Variants in SYNPR observed in about 807,000 individuals in gnomAD.
The protein encoded by SYNPR is synaptoporin.
SYNPR carries 23 observed loss-of-function variants against 32.9 expected under a neutral mutation model. The ratio of observed to expected loss-of-function variants is 0.70; its 90% CI spans 0.50 to 0.99. The LOEUF is 0.99. SYNPR is among the 50% of genes least tolerant of loss of function. The probability of loss-of-function intolerance (pLI) is 0.00; values close to 1 mark genes in which losing one functional copy is unlikely to be tolerated. For missense variants in SYNPR, 318 were observed against 349.3 expected, an observed-to-expected ratio of 0.91 and a Z score of 0.71; for synonymous variants, 146 against 135.9, an observed-to-expected ratio of 1.07 and a Z score of -0.52.
Position 63,537,987 on chromosome 3 carries a change from T to C in SYNPR, c.210-18556T>C, listed in dbSNP as rs547659982. On this transcript the variant is annotated intron_variant, in intron 3 of 5. Transcript: ENST00000478300. ...AGTTAAGAGTTGAATCATGAATCTA[T>C]TGCCATAGGACATACAGCCTCTGGT... Among the ~76,000 whole-genome samples the C allele has an allele frequency of 3.3e-5, 5 of 152,246 alleles. No individual in the cohort carries two copies. The South Asian group carries it at 1.0e-3, about 32-fold the overall frequency.
intron 3 of SYNPR, among the ~76,000 whole-genome samples, chr3:63,512,084 T>C (rs1701708603): frequency 6.6e-6 from 1 of 152,114 alleles, no homozygotes; most frequent in Non-Finnish European, 1.5e-5. Context: ...GAATTGTAAA[T>C]GAGATAAACA....
rs185132532 is a variant in SYNPR at position 63,558,356 on chromosome 3, T to C, written c.408+1615T>C. The stretch of plus-strand genomic sequence containing the variant: ...AATTTTTACTTTTTGTTTTATTTTA[T>C]TGAGGCAGAGTCTCATGCCACCACC... On this transcript the variant is annotated intron_variant, in intron 4 of 5. Coordinates refer to ENST00000478300, the MANE Select transcript of SYNPR (RefSeq NM_001130003.2). Among the ~76,000 whole-genome samples, 228 of 152,342 alleles carry C rather than the reference T, an allele frequency of 1.5e-3. 1 individual carries two copies. Among genetic ancestry groups the C allele is most frequent in the African/African-American group, 4.9e-3 (204 of 41,576 alleles).
At chr3:63,439,177 A>T (rs1389544618) in intron 2 of SYNPR, among the ~76,000 whole-genome samples, 1 of 152,232 alleles carries the variant, frequency 6.6e-6, no homozygotes, top group Non-Finnish European at 1.5e-5. Flanking sequence ...CCATTGCTCA[A>T]CTGAAAGATC....
At chr3:63,519,478 C>T (rs80125141) in intron 3 of SYNPR, among the ~76,000 whole-genome samples, 2,683 of 152,266 alleles carry the variant, frequency 0.018, 55 homozygotes, top group African/African-American at 0.053. Context: ...GTGAGCAGAG[C>T]AGAGCTTGCC....
chr3:63,585,854 T>C (rs995443313), intron 4 of SYNPR, among the ~76,000 whole-genome samples: 1 of 152,102 alleles, frequency 6.6e-6, no homozygotes, highest in Admixed American at 6.6e-5. Context: ...TCAAATATAT[T>C]GCCAAAGGCT....
intron 2 of SYNPR, among the ~76,000 whole-genome samples, chr3:63,363,998 C>T (rs777834632): frequency 2.0e-5 from 3 of 152,162 alleles, no homozygotes; most frequent in Non-Finnish European, 2.9e-5. Flanking sequence ...CTACCCCTGA[C>T]GATGCAGATC....
rs77205451 is a variant in SYNPR at position 63,585,190 on chromosome 3, A to G, written c.409-23935A>G. On this transcript the variant is annotated intron_variant, in intron 4 of 5. Transcript: ENST00000478300. ...CTAACAGTTATATATTGGAAATATG[A>G]TAGAACTGGCAAAAATAAGTCAAAT... is the stretch of plus-strand genomic sequence containing the variant. Among the ~76,000 whole-genome samples, 331 of 152,282 alleles carry G rather than the reference A, an allele frequency of 2.2e-3. 11 individuals carry two copies. In the East Asian group the frequency reaches 0.059, roughly 27 times the overall value.
intron 2 of SYNPR, among the ~76,000 whole-genome samples, chr3:63,258,300 A>G (rs1445677444): frequency 6.6e-6 from 1 of 152,206 alleles, no homozygotes; most frequent in Non-Finnish European, 1.5e-5. Context: ...ACCTATTCCA[A>G]AACTGACCAC....
chr3:63,400,451 G>A (rs1029700375), intron 2 of SYNPR, among the ~76,000 whole-genome samples: 12 of 152,224 alleles, frequency 7.9e-5, no homozygotes, highest in African/African-American at 2.2e-4. Context: ...CCAATGGCAC[G>A]TCAGAGCTGC....
chr3:63,221,908 C>T, the SYNPR span, among the ~76,000 whole-genome samples: 1 of 151,138 alleles, frequency 6.6e-6, no homozygotes, highest in Admixed American at 6.6e-5. Flanking sequence ...GAACCAAATA[C>T]GTTGTTGATG....
chr3:63,440,399 A>T (rs947492765), intron 2 of SYNPR, among the ~76,000 whole-genome samples: 10 of 152,204 alleles, frequency 6.6e-5, no homozygotes, highest in African/African-American at 2.4e-4. Context: ...CTTACTGGAC[A>T]ACTATTGAAC....
chr3:63,410,287 G>A (rs1415818876), intron 2 of SYNPR, among the ~76,000 whole-genome samples: 1 of 152,126 alleles, frequency 6.6e-6, no homozygotes, highest in Non-Finnish European at 1.5e-5. Context: ...TTAATTAAAT[G>A]ATGGAGTTGA....
chr3:63,205,040 A>G, the SYNPR span, among the ~76,000 whole-genome samples: 2 of 152,182 alleles, frequency 1.3e-5, no homozygotes, highest in Admixed American at 6.5e-5. Flanking sequence ...CTGTTTCACC[A>G]TCCTTTTCTG....
intron 3 of SYNPR, among the ~76,000 whole-genome samples, chr3:63,543,498 G>A (rs7628331): frequency 0.037 from 5,617 of 152,108 alleles, 336 homozygotes; most frequent in African/African-American, 0.13. Context: ...CTTAATCTGT[G>A]GGTGAAAGGA....
At chr3:63,440,960 A>G (rs1382422693) in intron 2 of SYNPR, among the ~76,000 whole-genome samples, 1 of 152,192 alleles carries the variant, frequency 6.6e-6, no homozygotes, top group Non-Finnish European at 1.5e-5. Flanking sequence ...AAGTTACTGC[A>G]GGGTCCATGC....
At chr3:63,461,975 T>C (rs968638040) in intron 2 of SYNPR, among the ~76,000 whole-genome samples, 1 of 152,070 alleles carries the variant, frequency 6.6e-6, no homozygotes, top group Non-Finnish European at 1.5e-5. Flanking sequence ...GAGTGACTTA[T>C]AAAGAAATAA....
At chr3:63,333,628 G>C (rs908676193) in intron 2 of SYNPR, among the ~76,000 whole-genome samples, 2 of 152,000 alleles carry the variant, frequency 1.3e-5, no homozygotes, top group African/African-American at 4.8e-5. Context: ...ATGTTGCCCA[G>C]GCTGGTCTCA....
rs1209558487 is a variant in SYNPR at position 63,615,219 on chromosome 3, T to A, written c.601-5T>A. On this transcript the variant is annotated splice_region_variant and splice_polypyrimidine_tract_variant and intron_variant, in intron 5 of 5. Transcript: ENST00000478300. ...ATCAATTCATTGGCTTTGATTCTCC[T>A]TCAGGTCTTTGGATTCTTGAACTTT... 6.2e-7 allele frequency: 1 copy of A among 1,612,970 alleles called. No homozygotes were observed. The highest frequency in any genetic ancestry group is 2.2e-5 in the East Asian group (1 of 44,884).
chr3:63,324,513 G>GA (rs1168836684), intron 2 of SYNPR, among the ~76,000 whole-genome samples: 3 of 152,128 alleles, frequency 2.0e-5, no homozygotes, highest in African/African-American at 7.2e-5. Context: ...TGGAAAATCA[G>GA]AACAGAGGGA....
Sources: gnomAD v4.1 joint callset for allele counts (sites outside exome capture counted in the v4.1 genomes callset) on GRCh38, gnomAD v4.1.1 for gene constraint, MANE v1.5 for transcripts, NCBI Gene and HGNC (gene_info 2026-07-23, HGNC 2026-07-21) for gene names.